CARMIL2: variants seen among roughly 807,000 people sequenced by gnomAD.
The protein encoded by CARMIL2 is capping protein, Arp2/3 and myosin-I linker protein 2.
CARMIL2 carries 96 observed loss-of-function variants against 173.3 expected under a neutral mutation model. The observed-to-expected ratio is 0.55, with a 90% CI of 0.47 to 0.66. The LOEUF is 0.66. Among genes scored for constraint, CARMIL2 ranks in the 30% least tolerant of loss-of-function variants. The pLI is 0.00. For missense variants in CARMIL2, 1,771 were observed against 1,906.7 expected, an observed-to-expected ratio of 0.93 and a Z score of 1.33; for synonymous variants, 830 against 817.1, an observed-to-expected ratio of 1.02 and a Z score of -0.27.
rs768060369 is a variant in CARMIL2 at position 67,648,292 on chromosome 16, T to A, written c.1312T>A (p.Ser438Thr). 1 of 1,592,956 alleles carries A rather than the reference T, an allele frequency of 6.3e-7. No individual in the cohort carries two copies. The highest frequency in any genetic ancestry group is 8.5e-7 in the Non-Finnish European group (1 of 1,176,448). ...CCTSLTHLDA[S>T]RNVFSRTKSR... ...CACCAGCCTTACCCACCTCGACGCT[T>A]CGAGGAACGTCTTCTCCCGCACGTA... Residue 438 changes from serine (S) to threonine (T), a missense_variant, in exon 14 of 38, where the codon TCG becomes ACG. Ser to Thr is a moderately conservative substitution (Grantham distance 58). Transcript: ENST00000334583. This position sits in a 1 kb window ranked among gnomAD's most constrained non-coding sequence, Gnocchi z 6.1.
In CARMIL2 at chr16:67,656,618, G is replaced by A. The variant is rs533568038; in HGVS notation, c.4009G>A (p.Asp1337Asn). 1 of 1,601,340 alleles carries A rather than the reference G, an allele frequency of 6.2e-7. No individual in the cohort carries two copies. Among genetic ancestry groups the A allele is most frequent in the Non-Finnish European group, 8.5e-7 (1 of 1,174,188 alleles). The change falls in exon 35 of 38, where the codon GAC (aspartate) becomes AAC (asparagine). Residue 1337 changes from aspartate (D) to asparagine (N), a missense_variant. Transcript: ENST00000334583. Reference sequence around the variant, plus strand: ...CCCAGACAGCCTGGGCCTCCCAGAGGACCCTTGCTTGGGCCCCAGAAATGA... The same window carrying A: ...CCCAGACAGCCTGGGCCTCCCAGAGAACCCTTGCTTGGGCCCCAGAAATGA... ...PSPDSLGLPEDPCLGPRNEDG... is the reference protein window; with the variant it reads ...PSPDSLGLPENPCLGPRNEDG...
rs1209411744 is a variant in CARMIL2, at chr16:67,647,598, C to T, written c.867C>T (p.Asp289=). The T allele has an allele frequency of 6.2e-7, 1 of 1,609,894 alleles. No individual in the cohort carries two copies. The change falls in exon 11 of 38, where the codon GAC becomes GAT. Residue 289 remains aspartate, a synonymous_variant. Transcript: ENST00000334583. The part of the protein sequence containing the change: ...ELSLAGNLLD[D]RGMTALSRHL... ...GCCTCGCGGGGAACCTGCTGGATGA[C>T]CGAGGTATGACTGAGCCTGGGGACC...
chr16:67,648,157 A>G lies in CARMIL2; in HGVS notation c.1177A>G (p.Met393Val). 1 of 1,555,206 alleles carries G rather than the reference A, an allele frequency of 6.4e-7. No homozygotes were observed. Among genetic ancestry groups the G allele is most frequent in the Non-Finnish European group, 8.8e-7 (1 of 1,139,310 alleles). Residue 393 changes from methionine (M) to valine (V), a missense_variant, in exon 14 of 38, where the codon ATG (methionine) becomes GTG (valine). This residue lies in a region of CARMIL2 where 944 missense variants were observed against 975.6 expected (regional missense o/e 0.97). Coordinates refer to ENST00000334583, the MANE Select transcript of CARMIL2 (RefSeq NM_001013838.3). This position sits in a 1 kb window ranked among gnomAD's most constrained non-coding sequence, Gnocchi z 6.1. ...TVRGCSVGGW[M>V]TGRADWRAGR... ...GAGGGGGTGCTCCGTGGGGGGATGG[A>G]TGACCGGCAGGGCGGACTGGAGGGC...
At position 67,657,451 on chromosome 16, in the gene CARMIL2, C is replaced by G; in HGVS notation, c.4241C>G (p.Pro1414Arg). 3 of 1,611,078 alleles carry G rather than the reference C, an allele frequency of 1.9e-6. No homozygotes were observed. The highest frequency in any genetic ancestry group is 1.7e-6 in the Non-Finnish European group (2 of 1,178,730). Residue 1414 changes from proline (P) to arginine (R), a missense_variant, in exon 38 of 38, where the codon CCC becomes CGC. By Grantham distance (103) the Pro-to-Arg change is moderately radical. Transcript: ENST00000334583. This position sits in a 1 kb window ranked among gnomAD's most constrained non-coding sequence, Gnocchi z 4.5. ...CCTCTGCCCCCACAGCCCACAGAGC[C>G]CTCCAGCCCTGAGCGGAGCCCACCC... ...TEPLPPQPTE[P>R]SSPERSPPSP...
In CARMIL2 at chr16:67,648,161, C is replaced by G. The variant is rs781641510; in HGVS notation, c.1181C>G (p.Thr394Ser). The change falls in exon 14 of 38, where the codon ACC (threonine) becomes AGC (serine). Residue 394 changes from threonine (T) to serine (S), a missense_variant. Physicochemically the swap from Thr to Ser is moderately conservative, Grantham distance 58. Coordinates refer to ENST00000334583, the MANE Select transcript of CARMIL2 (RefSeq NM_001013838.3). The surrounding 1 kb of genome is among the most constrained non-coding windows in gnomAD (Gnocchi z 6.1). The stretch of plus-strand genomic sequence containing the variant: ...GGGTGCTCCGTGGGGGGATGGATGA[C>G]CGGCAGGGCGGACTGGAGGGCGGGA... ...VRGCSVGGWM[T>S]GRADWRAGRG... 1 of 1,611,648 alleles carries G rather than the reference C, an allele frequency of 6.2e-7. No individual in the cohort carries two copies. The highest frequency in any genetic ancestry group is 2.2e-5 in the East Asian group (1 of 44,832).
In CARMIL2 at chr16:67,646,684, T is replaced by C; in HGVS notation, c.467-30T>C. ...TCGCTGATGTTTTGTCTCTCTCCTT[T>C]TCCACATCGCACCCCTATCCCCTCC... On this transcript the variant is annotated intron_variant, in intron 6 of 37. Transcript: ENST00000334583. The surrounding 1 kb of genome is among the most constrained non-coding windows in gnomAD (Gnocchi z 4.6). The C allele has an allele frequency of 6.2e-7, 1 of 1,611,698 alleles. No individual in the cohort carries two copies. The highest frequency in any genetic ancestry group is 8.5e-7 in the Non-Finnish European group (1 of 1,177,906).
rs774786394 is a variant in CARMIL2, at chr16:67,657,338, C to G, written c.4195+22C>G. 3.1e-6 allele frequency: 5 copies of G among 1,612,486 alleles called. No homozygotes were observed. Among genetic ancestry groups the G allele is most frequent in the Non-Finnish European group, 3.4e-6 (4 of 1,179,324 alleles). ...CTAGGTAAGAGGGGGTCCAGGCCAG[C>G]TGGGAGGGTGGCAGGACTGCTTAGC... On this transcript the variant is annotated intron_variant, in intron 37 of 37. Transcript: ENST00000334583. The surrounding 1 kb of genome is among the most constrained non-coding windows in gnomAD (Gnocchi z 4.5).
In CARMIL2 at chr16:67,649,432, T is replaced by A. The variant is rs1368949010; in HGVS notation, c.1747-15T>A. On this transcript the variant is annotated splice_polypyrimidine_tract_variant and intron_variant, in intron 19 of 37. Transcript: ENST00000334583. This position sits in a 1 kb window ranked among gnomAD's most constrained non-coding sequence, Gnocchi z 6.7. Reference sequence around the variant, plus strand: ...CCCCTGACTCCAGCCATCAATGGCTTTCTCTTAACCCCAGCCTCTTCAGTC... The same window carrying A: ...CCCCTGACTCCAGCCATCAATGGCTATCTCTTAACCCCAGCCTCTTCAGTC... The A allele has an allele frequency of 6.2e-7, 1 of 1,611,910 alleles. No homozygotes were observed. The highest frequency in any genetic ancestry group is 8.5e-7 in the Non-Finnish European group (1 of 1,179,882).
chr16:67,645,992 T>G (rs781664336), intron 3 of CARMIL2, 26 bp from the exon 4 acceptor site: 1 of 1,613,196 alleles, frequency 6.2e-7, no homozygotes, highest in Non-Finnish European at 8.5e-7. Context: ...GGGGGCTTGG[T>G]CCCAGCTGAT....
In CARMIL2 at chr16:67,647,385, G is replaced by T. The variant is rs376838356; in HGVS notation, c.774G>T (p.Arg258Ser). The T allele has an allele frequency of 9.8e-5, 155 of 1,574,902 alleles. No individual in the cohort carries two copies. The highest frequency in any genetic ancestry group is 1.3e-4 in the Non-Finnish European group (147 of 1,160,184). ...TGGTGCTGGAGACCTGCAGCCTGAG[G>T]GGGTGAGGGGGACAGGGCAGGGCTT... ...EELVLETCSL[R>S]GDFVRRLAQA... is the part of the protein sequence containing the mutation. Residue 258 changes from arginine to serine, a missense_variant and splice_region_variant, in exon 10 of 38, where the codon AGG (arginine) becomes AGT (serine). Transcript: ENST00000334583.
chr16:67,652,886 C>T lies in CARMIL2; in HGVS notation c.2885-133C>T. The T allele has an allele frequency of 4.4e-6, 1 of 226,660 alleles. No individual in the cohort carries two copies. Among genetic ancestry groups the T allele is most frequent in the Non-Finnish European group, 8.0e-6 (1 of 124,758 alleles). 14.0% of individuals were successfully genotyped at this position (226,660 alleles called of 1,614,324 possible). Reference sequence around the variant, plus strand: ...CGGCGGCGGGGGAGGGGCGGAGGGGCAGAGGGGCGGGGGGACGGGCGGCGT... The same window carrying T: ...CGGCGGCGGGGGAGGGGCGGAGGGGTAGAGGGGCGGGGGGACGGGCGGCGT... On this transcript the variant is annotated intron_variant, in intron 28 of 37. Coordinates refer to ENST00000334583, the MANE Select transcript of CARMIL2 (RefSeq NM_001013838.3). The surrounding 1 kb of genome is among the most constrained non-coding windows in gnomAD (Gnocchi z 4.7).
At position 67,647,841 on chromosome 16, in the gene CARMIL2, A is replaced by T. The variant is rs2052627807; in HGVS notation, c.959-5A>T. On this transcript the variant is annotated splice_polypyrimidine_tract_variant and splice_region_variant and intron_variant, in intron 12 of 37. Coordinates refer to ENST00000334583, the MANE Select transcript of CARMIL2 (RefSeq NM_001013838.3). ...AACTGCTGAGTGACCCCGACCCACC[A>T]CCAGGAATGAGGGCTCTGGGCCGGG... is the stretch of plus-strand genomic sequence containing the variant. 6.2e-7 allele frequency: 1 copy of T among 1,606,684 alleles called. No homozygotes were observed. The highest frequency in any genetic ancestry group is 8.5e-7 in the Non-Finnish European group (1 of 1,177,178).
intron 32 of CARMIL2, 104 bp downstream of exon 32, chr16:67,655,004 T>C: frequency 7.1e-7 from 1 of 1,416,684 alleles, no homozygotes. Context: ...GGTCTAATTG[T>C]CAGTTCTACT....
At chr16:67,647,262 G>C in intron 9 of CARMIL2, 37 bp from the exon 10 acceptor site, 1 of 1,611,016 alleles carries the variant, frequency 6.2e-7, no homozygotes, top group Non-Finnish European at 8.5e-7. Context: ...CTGAGGGCCA[G>C]GGTGCAGCCC....
Position 67,652,092 on chromosome 16 carries a change from T to C in CARMIL2, c.2676+84T>C. The C allele has an allele frequency of 6.2e-7, 1 of 1,600,140 alleles. No individual in the cohort carries two copies. On this transcript the variant is annotated intron_variant, in intron 26 of 37. Coordinates refer to ENST00000334583, the MANE Select transcript of CARMIL2 (RefSeq NM_001013838.3). This position sits in a 1 kb window ranked among gnomAD's most constrained non-coding sequence, Gnocchi z 4.7. ...TCTCCCTTGCAGGGGCTCTGTAATG[T>C]CTTCTGGGGTCATGTAGCCCAGGGC...
At chr16:67,656,124 G>A (rs2052848458) in intron 33 of CARMIL2, 57 bp downstream of exon 33, 2 of 1,609,770 alleles carry the variant, frequency 1.2e-6, no homozygotes, top group Non-Finnish European at 8.5e-7. Context: ...CTTATAGACA[G>A]CCCCCAAGGC....
In CARMIL2 at chr16:67,648,163, G is replaced by C. The variant is rs770150463; in HGVS notation, c.1183G>C (p.Gly395Arg). ...GTGCTCCGTGGGGGGATGGATGACC[G>C]GCAGGGCGGACTGGAGGGCGGGACG... ...RGCSVGGWMT[G>R]RADWRAGRGG... The change falls in exon 14 of 38, where the codon GGC becomes CGC. Residue 395 changes from glycine (G) to arginine (R), a missense_variant. By Grantham distance (125) the Gly-to-Arg change is moderately radical (BLOSUM62 -2). Transcript: ENST00000334583. The surrounding 1 kb of genome is among the most constrained non-coding windows in gnomAD (Gnocchi z 6.1). 2.5e-6 allele frequency: 4 copies of C among 1,611,684 alleles called. No individual in the cohort carries two copies. The highest frequency in any genetic ancestry group is 3.4e-6 in the Non-Finnish European group (4 of 1,179,120).
In CARMIL2 at chr16:67,648,121, C is replaced by A. The variant is rs773272602; in HGVS notation, c.1141C>A (p.Leu381Met). Residue 381 changes from leucine (L) to methionine (M), a missense_variant, in exon 14 of 38, where the codon CTG becomes ATG. Physicochemically the swap from Leu to Met is conservative, Grantham distance 15 (BLOSUM62 2). This residue lies in a region of CARMIL2 where 944 missense variants were observed against 975.6 expected (regional missense o/e 0.97). Transcript: ENST00000334583. The surrounding 1 kb of genome is among the most constrained non-coding windows in gnomAD (Gnocchi z 6.1). The stretch of plus-strand genomic sequence containing the variant: ...GAATCTCGCAGGCACCGACACTGCC[C>A]TGGACACTGTGAGGGGGTGCTCCGT... Reference protein sequence around the residue: ...FLNLAGTDTALDTVRGCSVGG... With the variant: ...FLNLAGTDTAMDTVRGCSVGG... The A allele has an allele frequency of 1.2e-6, 2 of 1,612,942 alleles. No homozygotes were observed. The highest frequency in any genetic ancestry group is 2.2e-5 in the South Asian group (2 of 90,950).
Position 67,647,370 on chromosome 16 carries a change from G to A in CARMIL2, c.759G>A (p.Glu253=). 1 of 1,580,314 alleles carries A rather than the reference G, an allele frequency of 6.3e-7. No homozygotes were observed. The highest frequency in any genetic ancestry group is 8.6e-7 in the Non-Finnish European group (1 of 1,163,062). ...CACACCTGGAGGAGCTGGTGCTGGA[G>A]ACCTGCAGCCTGAGGGGGTGAGGGG... The part of the protein sequence containing the change: ...QSSHLEELVL[E]TCSLRGDFVR... Residue 253 remains glutamate, a synonymous_variant, in exon 10 of 38, where the codon GAG becomes GAA. Coordinates refer to ENST00000334583, the MANE Select transcript of CARMIL2 (RefSeq NM_001013838.3).
Sources: gnomAD v4.1 joint callset for allele counts on GRCh38, gnomAD v4.1.1 for gene constraint, gnomAD v4.1.1 regional missense constraint, Gnocchi (gnomAD v3.1) non-coding constraint, MANE v1.5 for transcripts, NCBI Gene and HGNC (gene_info 2026-07-23, HGNC 2026-07-21) for gene names.